EDA: variants seen among roughly 807,000 people sequenced by gnomAD.
The protein encoded by EDA is ectodysplasin A.
A neutral mutation model predicts 23.6 loss-of-function variants in EDA; 2 were observed. The observed-to-expected ratio is 0.08, with a 90% CI of 0.03 to 0.27. The LOEUF (loss-of-function observed/expected upper bound fraction) is 0.27, where lower values mean the gene tolerates loss of function less well. Ranked by LOEUF, EDA falls within the 10% of genes least tolerant of loss-of-function variation. The pLI is 1.00. For synonymous variants in EDA, 131 were observed against 132.0 expected, an observed-to-expected ratio of 0.99 and a Z score of 0.05; for missense variants, 229 against 324.2, an observed-to-expected ratio of 0.71 and a Z score of 2.26.
intron 2 of EDA, among the ~76,000 whole-genome samples, chrX:69,974,063 A>G (rs2019284369): frequency 1.8e-5 from 2 of 109,146 alleles, no homozygotes; most frequent in Non-Finnish European, 3.8e-5. Flanking sequence ...CAAATGTGAT[A>G]TAATTATATG....
intron 1 of EDA, among the ~76,000 whole-genome samples, chrX:69,635,161 G>T (rs756071397): frequency 9.0e-6 from 1 of 111,404 alleles, no homozygotes; most frequent in Non-Finnish European, 1.9e-5. Flanking sequence ...AGTGACACAT[G>T]ACACACTATT....
intron 1 of EDA, among the ~76,000 whole-genome samples, chrX:69,833,653 G>T (rs1281086901): frequency 9.0e-6 from 1 of 110,893 alleles, no homozygotes; most frequent in African/African-American, 3.3e-5. Context: ...GTAGAATTCG[G>T]CTGTGATTCC....
At chrX:69,679,462 G>A (rs1304399139) in intron 1 of EDA, among the ~76,000 whole-genome samples, 1 of 110,957 alleles carries the variant, frequency 9.0e-6, no homozygotes, top group African/African-American at 3.3e-5. Flanking sequence ...TGGACTCTTG[G>A]GTTGGTAAGC....
chrX:69,647,747 G>A (rs1225219162), intron 1 of EDA, among the ~76,000 whole-genome samples: 1 of 112,115 alleles, frequency 8.9e-6, no homozygotes, highest in Admixed American at 9.5e-5. Context: ...AGGTGTTGCA[G>A]TCATTTGGAG....
chrX:69,696,362 G>C (rs2011346175), intron 1 of EDA, among the ~76,000 whole-genome samples: 3 of 111,619 alleles, frequency 2.7e-5, no homozygotes, highest in Non-Finnish European at 5.6e-5. Context: ...AAAAACTTGT[G>C]AATAATTTCC....
At chrX:69,922,072 C>T (rs932942532) in intron 1 of EDA, among the ~76,000 whole-genome samples, 4 of 112,105 alleles carry the variant, frequency 3.6e-5, no homozygotes, top group Non-Finnish European at 7.5e-5. Flanking sequence ...GACTTTCCAA[C>T]TGGCTTCTTT....
intron 1 of EDA, among the ~76,000 whole-genome samples, chrX:69,855,070 T>C (rs2017216527): frequency 8.9e-6 from 1 of 112,261 alleles, no homozygotes. Flanking sequence ...TCAGTGATGC[T>C]GAGCTTTTTT....
chrX:70,033,437 C>G lies in EDA; in HGVS notation c.833C>G (p.Thr278Ser), dbSNP rs375753764. 27 of 1,210,491 alleles carry G rather than the reference C, an allele frequency of 2.2e-5. No homozygotes were observed. The African/African-American group carries it at 4.4e-4, about 20-fold the overall frequency. Residue 278 changes from threonine (T) to serine (S), a missense_variant, in exon 7 of 8, where the codon ACT becomes AGT. Physicochemically the swap from Thr to Ser is moderately conservative, Grantham distance 58. This residue lies in a region of EDA where 175 missense variants were observed against 281.8 expected (regional missense o/e 0.62). Coordinates refer to ENST00000374552, the MANE Select transcript of EDA (RefSeq NM_001399.5). ...GGVLNDWSRITMNPKVFKLHP... is the reference protein window; with the variant it reads ...GGVLNDWSRISMNPKVFKLHP... ...GTGCTCAATGACTGGTCTCGCATCA[C>G]TATGAACCCCAAGGTGTTTAAGCTA...
intron 1 of EDA, among the ~76,000 whole-genome samples, chrX:69,664,750 C>T (rs756734778): frequency 3.9e-4 from 44 of 111,414 alleles, no homozygotes; most frequent in Middle Eastern, 4.6e-3. Context: ...GTTTCCATAT[C>T]TTGGCTATTG....
intron 1 of EDA, among the ~76,000 whole-genome samples, chrX:69,715,090 TG>T (rs200241305): frequency 0.3 from 31,013 of 103,394 alleles, 4,566 homozygotes; most frequent in Middle Eastern, 0.48. Context: ...TTTTACTTTT[TG>T]TAACTTTTAT....
intron 1 of EDA, among the ~76,000 whole-genome samples, chrX:69,814,925 C>A (rs1427814364): frequency 9.0e-6 from 1 of 111,652 alleles, no homozygotes; most frequent in Non-Finnish European, 1.9e-5. Context: ...GGCAGAATAG[C>A]CACTCAGGCA....
At chrX:69,623,267 C>G (rs1932253124) in intron 1 of EDA, among the ~76,000 whole-genome samples, 1 of 112,113 alleles carries the variant, frequency 8.9e-6, no homozygotes, top group Non-Finnish European at 1.9e-5. Flanking sequence ...AGGGAACTCA[C>G]CATTTTATGG....
intron 1 of EDA, among the ~76,000 whole-genome samples, chrX:69,673,884 A>G (rs1317219727): frequency 2.7e-5 from 3 of 111,641 alleles, no homozygotes; most frequent in Non-Finnish European, 5.6e-5. Context: ...TAGCTGTTGC[A>G]GTAAGAAAGA....
intron 2 of EDA, among the ~76,000 whole-genome samples, chrX:70,022,124 C>T (rs1451817358): frequency 9.2e-6 from 1 of 109,064 alleles, no homozygotes; most frequent in Non-Finnish European, 1.9e-5. Context: ...AATTTATTTC[C>T]TAGAAGGGAA....
chrX:69,783,326 G>A (rs1402080320), intron 1 of EDA, among the ~76,000 whole-genome samples: 1 of 108,978 alleles, frequency 9.2e-6, no homozygotes, highest in African/African-American at 3.4e-5. Context: ...TAGGGTACAT[G>A]TGCACAATGT....
intron 1 of EDA, among the ~76,000 whole-genome samples, chrX:69,702,890 C>T (rs2011575185): frequency 9.1e-6 from 1 of 110,401 alleles, no homozygotes; most frequent in African/African-American, 3.3e-5. Flanking sequence ...TGTGGCCAGA[C>T]TGAATTGCAA....
intron 2 of EDA, among the ~76,000 whole-genome samples, chrX:70,009,621 C>T (rs1350564559): frequency 1.8e-5 from 2 of 111,510 alleles, no homozygotes; most frequent in African/African-American, 6.5e-5. Context: ...GAGTCTCGCT[C>T]TGTCTCCCAG....
intron 1 of EDA, among the ~76,000 whole-genome samples, chrX:69,951,884 C>A (rs1280061926): frequency 8.9e-6 from 1 of 111,823 alleles, no homozygotes; most frequent in Non-Finnish European, 1.9e-5. Context: ...TTTTTTCCCC[C>A]TTGAGCAAAA....
At chrX:69,737,492 A>G (rs1350622537) in intron 1 of EDA, among the ~76,000 whole-genome samples, 3 of 112,087 alleles carry the variant, frequency 2.7e-5, no homozygotes, top group Non-Finnish European at 3.8e-5. Context: ...GAACCACACA[A>G]CAACACACTT....
Sources: allele counts gnomAD v4.1 joint callset (sites outside exome capture counted in the v4.1 genomes callset), GRCh38; gene constraint gnomAD v4.1.1; regional missense constraint gnomAD v4.1.1; transcripts MANE v1.5; gene names NCBI Gene and HGNC (gene_info 2026-07-23, HGNC 2026-07-21).